Variants in RFX3 observed in about 807,000 individuals in gnomAD.
The protein encoded by RFX3 is transcription factor RFX3.
In RFX3, 14 loss-of-function variants were observed where a neutral mutation model predicts 98.6. That is an observed-to-expected ratio of 0.14 (90% CI 0.09 to 0.22). The LOEUF (loss-of-function observed/expected upper bound fraction) is 0.22. Ranked by LOEUF, RFX3 falls within the 10% of genes least tolerant of loss-of-function variation. The pLI, the probability that RFX3 is intolerant of heterozygous loss-of-function variation, is 1.00. For synonymous variants in RFX3, 383 were observed against 328.4 expected (o/e 1.17, Z -1.80); for missense variants, 639 against 926.9 (o/e 0.69, Z 4.03).
At chr9:3,303,811 G>A (rs1010213936) in intron 4 of RFX3, among the ~76,000 whole-genome samples, 30 of 151,946 alleles carry the variant, frequency 2.0e-4, no homozygotes, top group Non-Finnish European at 3.4e-4. Flanking sequence ...AAATATGTGG[G>A]TGAAAATGGA....
intron 11 of RFX3, among the ~76,000 whole-genome samples, chr9:3,270,133 A>AAGAAAGAAAGAAAGGAAAG: frequency 5.9e-5 from 9 of 151,904 alleles, no homozygotes; most frequent in African/African-American, 2.2e-4. Context: ...AAAGGAAAGA[A>AAGAAAGAAAGAAAGGAAAG]AGAAAGAAAA....
At chr9:3,461,736 T>C (rs1027642014) in intron 1 of RFX3, among the ~76,000 whole-genome samples, 1 of 151,976 alleles carries the variant, frequency 6.6e-6, no homozygotes, top group Non-Finnish European at 1.5e-5. Flanking sequence ...TCTGTGAATA[T>C]ATTTTCATAT....
At chr9:3,288,742 G>C (rs1375295045) in intron 6 of RFX3, among the ~76,000 whole-genome samples, 1 of 152,100 alleles carries the variant, frequency 6.6e-6, no homozygotes, top group African/African-American at 2.4e-5. Flanking sequence ...CTTTACTTCA[G>C]TGATGATGAA....
intron 1 of RFX3, among the ~76,000 whole-genome samples, chr9:3,479,389 AC>A (rs1388027603): frequency 2.0e-5 from 3 of 152,178 alleles, no homozygotes; most frequent in African/African-American, 7.2e-5. Context: ...ACCAAAAAAA[AC>A]AAACCCTCAC....
At chr9:3,400,240 T>A (rs1475062969) in intron 1 of RFX3, 1 of 981,218 alleles carries the variant, frequency 1.0e-6, no homozygotes, top group South Asian at 4.7e-5. Flanking sequence ...ATTTTTAGAA[T>A]GAGACAGGAA....
intron 15 of RFX3, among the ~76,000 whole-genome samples, chr9:3,234,876 G>T (rs1462386323): frequency 1.3e-5 from 2 of 152,148 alleles, no homozygotes; most frequent in Non-Finnish European, 1.5e-5. Flanking sequence ...TCACAGGAAG[G>T]ATACAGAACC....
chr9:3,283,817 T>G (rs191493826), intron 7 of RFX3, among the ~76,000 whole-genome samples: 40 of 151,624 alleles, frequency 2.6e-4, no homozygotes, highest in Admixed American at 2.2e-3. Context: ...CTCATTAAAA[T>G]GTGATTTCTC....
intron 3 of RFX3, among the ~76,000 whole-genome samples, chr9:3,336,689 G>T (rs188507148): frequency 2.2e-4 from 33 of 152,188 alleles, no homozygotes; most frequent in Admixed American, 1.8e-3. Flanking sequence ...AAGAAATGAG[G>T]TTAAGGAAGG....
chr9:3,292,947 T>A, intron 6 of RFX3, 130 bp downstream of exon 6: 1 of 658,282 alleles, frequency 1.5e-6, no homozygotes, highest in Non-Finnish European at 2.4e-6. Flanking sequence ...GGGGATGTTA[T>A]AAACTGAGCT....
intron 2 of RFX3, among the ~76,000 whole-genome samples, chr9:3,353,554 G>C (rs977820277): frequency 6.6e-6 from 1 of 151,882 alleles, no homozygotes; most frequent in African/African-American, 2.4e-5. Flanking sequence ...GAACACCTAG[G>C]GCATTCTGTA....
chr9:3,224,882 G>C lies in RFX3; in HGVS notation c.*160C>G, dbSNP rs1384063085. 2.9e-5 allele frequency: 18 copies of C among 623,392 alleles called. No individual in the cohort carries two copies. The highest frequency in any genetic ancestry group is 6.2e-5 in the Admixed American group (2 of 32,328). The allele number at this position is 623,392 out of a possible 1,614,324, so 38.6% of individuals were successfully genotyped here. A position where few individuals can be genotyped will look rare whatever the true frequency, so the allele number is the denominator to read the frequency against. On this transcript the variant is annotated 3_prime_UTR_variant, in exon 17 of 17. Coordinates refer to ENST00000617270, the MANE Select transcript of RFX3 (RefSeq NM_001282116.2). The stretch of plus-strand genomic sequence containing the variant: ...TTGTTTACGTTAAAAAAAAAGATCT[G>C]GCAAAATACATACACCCATTCCATT...
At chr9:3,357,889 T>C (rs974140802) in intron 2 of RFX3, among the ~76,000 whole-genome samples, 18 of 152,172 alleles carry the variant, frequency 1.2e-4, no homozygotes, top group African/African-American at 4.3e-4. Context: ...ATTTTAAAAA[T>C]GAGTTTCTCT....
intron 2 of RFX3, among the ~76,000 whole-genome samples, chr9:3,367,838 A>C (rs1211062855): frequency 6.6e-6 from 1 of 152,250 alleles, no homozygotes; most frequent in Non-Finnish European, 1.5e-5. Context: ...AAGCAAATTG[A>C]AAACTAAAAA....
chr9:3,257,244 T>C (rs1190094862), intron 13 of RFX3, 45 bp from the exon 14 acceptor site: 1 of 1,550,914 alleles, frequency 6.4e-7, no homozygotes, highest in Admixed American at 1.7e-5. Context: ...CAATTCAGCA[T>C]CCTTTCATTG....
intron 2 of RFX3, among the ~76,000 whole-genome samples, chr9:3,362,473 T>C (rs1280668369): frequency 6.6e-6 from 1 of 152,242 alleles, no homozygotes; most frequent in Admixed American, 6.5e-5. Flanking sequence ...TATAATTTTC[T>C]TTCATTAGAC....
At chr9:3,352,938 G>A (rs908415450) in intron 2 of RFX3, among the ~76,000 whole-genome samples, 1 of 151,880 alleles carries the variant, frequency 6.6e-6, no homozygotes, top group African/African-American at 2.4e-5. Flanking sequence ...CAAAGACTTG[G>A]AACCAACCCA....
chr9:3,222,266 A>G lies in RFX3; in HGVS notation c.*2776T>C, dbSNP rs1289106760. 6.6e-6 allele frequency: 1 copy of G among 152,164 alleles called. No homozygotes were observed. Among genetic ancestry groups the G allele is most frequent in the Non-Finnish European group, 1.5e-5 (1 of 67,988 alleles). The allele number at this position is 152,164 out of a possible 1,614,324, so 9.4% of individuals were successfully genotyped here. ...TCCAAACTACTTACACTAATCACAAAGAATATTCCTAATATTCATAAAGGA... is the reference window on the plus strand; with the variant it reads ...TCCAAACTACTTACACTAATCACAAGGAATATTCCTAATATTCATAAAGGA... On this transcript the variant is annotated 3_prime_UTR_variant, in exon 17 of 17. Transcript: ENST00000617270.
chr9:3,266,099 G>T, intron 12 of RFX3, 109 bp downstream of exon 12: 1 of 575,734 alleles, frequency 1.7e-6, no homozygotes, highest in African/African-American at 1.9e-5. Flanking sequence ...GATGATGTAT[G>T]TTATAACCTC....
rs1586626364 is a variant in RFX3 at position 3,222,244 on chromosome 9, A to G, written c.*2798T>C. 6.6e-6 allele frequency: 1 copy of G among 152,284 alleles called. No individual in the cohort carries two copies. The highest frequency in any genetic ancestry group is 1.9e-4 in the East Asian group (1 of 5,192). 9.4% of individuals were successfully genotyped at this position (152,284 alleles called of 1,614,324 possible). A position where few individuals can be genotyped will look rare whatever the true frequency, so the allele number is the denominator to read the frequency against. On this transcript the variant is annotated 3_prime_UTR_variant, in exon 17 of 17. Transcript: ENST00000617270. The stretch of plus-strand genomic sequence containing the variant: ...AGGTCTTCTTTTTATGTTTTGATCC[A>G]AACTACTTACACTAATCACAAAGAA...
Sources: allele counts gnomAD v4.1 joint callset (sites outside exome capture counted in the v4.1 genomes callset), GRCh38; gene constraint gnomAD v4.1.1; transcripts MANE v1.5; gene names NCBI Gene and HGNC (gene_info 2026-07-23, HGNC 2026-07-21).